Variants in RNF10 observed in about 807,000 individuals in gnomAD.
The protein encoded by RNF10 is ring finger protein 10.
In RNF10, 38 loss-of-function variants were observed where a neutral mutation model predicts 91.4. That is an observed-to-expected ratio of 0.42 (90% CI 0.32 to 0.54). The LOEUF is 0.54. RNF10 is among the 20% of genes least tolerant of loss of function. The pLI is 0.16. For synonymous variants in RNF10, 364 were observed against 366.3 expected, an observed-to-expected ratio of 0.99 and a Z score of 0.07; for missense variants, 945 against 1,012.0, an observed-to-expected ratio of 0.93 and a Z score of 0.90.
At chr12:120,554,624 C>T in intron 3 of RNF10, 94 bp from the exon 4 acceptor site, 2 of 963,156 alleles carry the variant, frequency 2.1e-6, no homozygotes, top group Non-Finnish European at 3.3e-6. Context: ...TAATGGCCTG[C>T]ATTTGATTTC....
At chr12:120,535,130 C>T (rs1021452656) in intron 1 of RNF10, among the ~76,000 whole-genome samples, 162 bp downstream of exon 1, 2 of 152,214 alleles carry the variant, frequency 1.3e-5, no homozygotes, top group Non-Finnish European at 2.9e-5. Context: ...TTAATGAGCG[C>T]TGTGCTGCGT....
intron 14 of RNF10, among the ~76,000 whole-genome samples, chr12:120,572,211 C>T (rs536276459): frequency 3.3e-5 from 5 of 151,538 alleles, no homozygotes; most frequent in South Asian, 4.2e-4. Context: ...GGACTATAGG[C>T]GCCTGCCACC....
intron 2 of RNF10, 118 bp downstream of exon 2, chr12:120,546,719 A>G: frequency 1.1e-6 from 1 of 898,008 alleles, no homozygotes; most frequent in Non-Finnish European, 1.6e-6. Flanking sequence ...TAGATAATCA[A>G]AGCAGTCTTG....
intron 13 of RNF10, among the ~76,000 whole-genome samples, chr12:120,569,538 C>CT (rs58304342): frequency 2.3e-4 from 27 of 115,214 alleles, no homozygotes; most frequent in South Asian, 8.7e-4. Flanking sequence ...TGATATGCAT[C>CT]TTTTTTTTTT....
At chr12:120,566,346 G>A (rs1010369218) in intron 12 of RNF10, among the ~76,000 whole-genome samples, 19 of 152,096 alleles carry the variant, frequency 1.2e-4, no homozygotes, top group Non-Finnish European at 1.8e-4. Context: ...TTAGAACAAG[G>A]TTAACTATAT....
intron 1 of RNF10, among the ~76,000 whole-genome samples, chr12:120,540,809 G>C (rs1374297800): frequency 6.6e-6 from 1 of 151,778 alleles, no homozygotes; most frequent in Non-Finnish European, 1.5e-5. Flanking sequence ...GTGGTAATAA[G>C]TGAAGAAATG....
At chr12:120,542,506 G>T (rs1459007825) in intron 1 of RNF10, among the ~76,000 whole-genome samples, 1 of 152,138 alleles carries the variant, frequency 6.6e-6, no homozygotes, top group Non-Finnish European at 1.5e-5. Flanking sequence ...GACACTAACT[G>T]TTGCTAACTG....
At chr12:120,541,211 A>G (rs964452118) in intron 1 of RNF10, among the ~76,000 whole-genome samples, 16 of 152,154 alleles carry the variant, frequency 1.1e-4, no homozygotes, top group African/African-American at 1.9e-4. Flanking sequence ...ACCTAAATCT[A>G]TGCAAACCGT....
Position 120,563,862 on chromosome 12 carries a change from G to A in RNF10, c.1584G>A (p.Val528=). ...FLHPVNVRCL[V]REYGSLERSP... Reference sequence around the variant, plus strand: ...ACCCTGTGAATGTGCGCTGCCTCGTGCGGGAGTACGGCAGCCTGGAGAGGA... The same window carrying A: ...ACCCTGTGAATGTGCGCTGCCTCGTACGGGAGTACGGCAGCCTGGAGAGGA... The change falls in exon 10 of 17, where the codon GTG becomes GTA. Residue 528 remains valine, a synonymous_variant. Transcript: ENST00000325954. The A allele has an allele frequency of 4.3e-6, 7 of 1,614,182 alleles. No individual in the cohort carries two copies. The highest frequency in any genetic ancestry group is 5.1e-6 in the Non-Finnish European group (6 of 1,180,032).
At position 120,563,350 on chromosome 12, in the gene RNF10, G is replaced by T; in HGVS notation, c.1258G>T (p.Val420Leu). ...GACTTAGAGTTTGCTGCAACAGGGT[G>T]TGCTGGAGTATCTGTCTGCCTTCGA... ...KESVFQPRKG[V>L]LEYLSAFDEE... Residue 420 changes from valine (V) to leucine (L), a missense_variant, in exon 9 of 17, where the codon GTG (valine) becomes TTG (leucine). Coordinates refer to ENST00000325954, the MANE Select transcript of RNF10 (RefSeq NM_014868.5). 2 of 1,609,518 alleles carry T rather than the reference G, an allele frequency of 1.2e-6. No homozygotes were observed.
chr12:120,569,370 A>G (rs1011223563), intron 13 of RNF10, among the ~76,000 whole-genome samples: 3 of 152,104 alleles, frequency 2.0e-5, no homozygotes, highest in Admixed American at 6.6e-5. Flanking sequence ...TATGCATATC[A>G]TTTTGCAGAT....
rs1260637470 is a variant in RNF10 at position 120,534,940 on chromosome 12, G to A, written c.129G>A (p.Gly43=). The change falls in exon 1 of 17, where the codon GGG becomes GGA. Residue 43 remains glycine, a synonymous_variant. Transcript: ENST00000325954. ...GQQPPRSASA[G]PAGESKPKSD... ...AGCCGCCCCGCTCCGCCTCGGCGGG[G>A]CCAGCCGGCGAGTCTAAACCCAAGA... 1.9e-6 allele frequency: 3 copies of A among 1,601,742 alleles called. No homozygotes were observed. The highest frequency in any genetic ancestry group is 2.7e-5 in the African/African-American group (2 of 74,790).
chr12:120,569,538 C>CTTTTTTTTTTTTTTTTTTTTTTT (rs58304342), intron 13 of RNF10, among the ~76,000 whole-genome samples: 1 of 115,240 alleles, frequency 8.7e-6, no homozygotes, highest in Non-Finnish European at 1.7e-5. Flanking sequence ...TGATATGCAT[C>CTTTTTTTTTTTTTTTTTTTTTTT]TTTTTTTTTT....
At chr12:120,547,413 T>C (rs2137156744) in intron 2 of RNF10, among the ~76,000 whole-genome samples, 1 of 152,262 alleles carries the variant, frequency 6.6e-6, no homozygotes, top group South Asian at 2.1e-4. Flanking sequence ...CACCTCAGCT[T>C]TGAGTAGCTG....
Position 120,566,812 on chromosome 12 carries a change from CTT to C in RNF10, c.1886-11_1886-10del. 2.5e-6 allele frequency: 4 copies of C among 1,601,924 alleles called. No individual in the cohort carries two copies. The highest frequency in any genetic ancestry group is 3.4e-6 in the Non-Finnish European group (4 of 1,173,800). On this transcript the variant is annotated splice_polypyrimidine_tract_variant and intron_variant, in intron 12 of 16. Coordinates refer to ENST00000325954, the MANE Select transcript of RNF10 (RefSeq NM_014868.5). ...CTGTAAATGGGTTTACAAGGGTTAT[CTT>C]TCCTTTGCAGACCCAGAAGTCCACA...
At chr12:120,571,429 G>C (rs1876615277) in intron 14 of RNF10, 138 bp downstream of exon 14, 1 of 676,744 alleles carries the variant, frequency 1.5e-6, no homozygotes, top group Admixed American at 2.6e-5. Flanking sequence ...ATGGGTAGGA[G>C]GGAAGTTAAC....
At chr12:120,560,631 C>A in intron 6 of RNF10, 95 bp from the exon 7 acceptor site, 1 of 1,220,016 alleles carries the variant, frequency 8.2e-7, no homozygotes, top group Non-Finnish European at 1.1e-6. Context: ...CCATTTTCAC[C>A]CCAGAGAAAA....
intron 3 of RNF10, among the ~76,000 whole-genome samples, chr12:120,553,525 C>T (rs1295054376): frequency 6.6e-6 from 1 of 151,900 alleles, no homozygotes; most frequent in Non-Finnish European, 1.5e-5. Context: ...CTGCCTCAGC[C>T]TCCCGAGTAG....
chr12:120,534,554 T>C lies in RNF10; in HGVS notation c.-258T>C. On this transcript the variant is annotated 5_prime_UTR_variant, in exon 1 of 17. Transcript: ENST00000325954. The stretch of plus-strand genomic sequence containing the variant: ...CCTCGCCTCCCCTTCCCCCGCAGCC[T>C]CCGCCCCGCCAGGCCCGGCCCGGAC... 1 of 648,016 alleles carries C rather than the reference T, an allele frequency of 1.5e-6. No homozygotes were observed. Among genetic ancestry groups the C allele is most frequent in the Non-Finnish European group, 2.1e-6 (1 of 471,672 alleles). The allele number at this position is 648,016 out of a possible 1,614,324, so 40.1% of individuals were successfully genotyped here. A position where few individuals can be genotyped will look rare whatever the true frequency, so the allele number is the denominator to read the frequency against.
Sources: allele counts gnomAD v4.1 joint callset (sites outside exome capture counted in the v4.1 genomes callset), GRCh38; gene constraint gnomAD v4.1.1; transcripts MANE v1.5; gene names NCBI Gene and HGNC (gene_info 2026-07-23, HGNC 2026-07-21).